The following TANGO6 variants were observed in gnomAD, a reference collection of about 807,000 sequenced individuals.
TANGO6 encodes transport and Golgi organization protein 6 homolog.
Under a neutral mutation model 114.2 loss-of-function variants are expected in TANGO6, and 90 were observed. The observed-to-expected ratio is 0.79, with a 90% CI of 0.66 to 0.94. The LOEUF (loss-of-function observed/expected upper bound fraction) is 0.94, where lower values mean the gene tolerates loss of function less well. Ranked by LOEUF, TANGO6 falls within the 40% of genes least tolerant of loss-of-function variation. The probability of loss-of-function intolerance (pLI) is 0.00; values close to 1 mark genes in which losing one functional copy is unlikely to be tolerated. For synonymous variants in TANGO6, 477 were observed against 509.8 expected (o/e 0.94, Z 0.87); for missense variants, 1,274 against 1,315.3 (o/e 0.97, Z 0.49).
At chr16:69,058,284 A>G (rs1353989589) in intron 17 of TANGO6, among the ~76,000 whole-genome samples, 1 of 152,208 alleles carries the variant, frequency 6.6e-6, no homozygotes, top group African/African-American at 2.4e-5. Flanking sequence ...ATCTGCGCCA[A>G]ATAAATTCCA....
chr16:69,067,447 G>A (rs1032304801), intron 17 of TANGO6, among the ~76,000 whole-genome samples: 1 of 149,382 alleles, frequency 6.7e-6, no homozygotes, highest in Non-Finnish European at 1.5e-5. Context: ...AGACCTGGGA[G>A]GTGAAGGTTG....
At chr16:69,083,385 G>A in intron 17 of TANGO6, 100 bp from the exon 18 acceptor site, 1 of 1,363,170 alleles carries the variant, frequency 7.3e-7, no homozygotes, top group Non-Finnish European at 9.8e-7. Flanking sequence ...GTCTGTGGAT[G>A]TCCTCACAGA....
At chr16:68,934,026 C>T (rs928895268) in intron 14 of TANGO6, 1 of 152,502 alleles carries the variant, frequency 6.6e-6, no homozygotes, top group African/African-American at 2.4e-5. Context: ...AAGGCCTGAG[C>T]CTTGGAATTC....
intron 17 of TANGO6, among the ~76,000 whole-genome samples, chr16:69,074,574 A>G (rs528981705): frequency 1.3e-5 from 2 of 152,232 alleles, no homozygotes; most frequent in Admixed American, 1.3e-4. Flanking sequence ...ACAAGTATCA[A>G]ATTATCATCT....
intron 3 of TANGO6, 60 bp from the exon 4 acceptor site, chr16:68,867,019 G>T: frequency 5.7e-5 from 22 of 383,194 alleles, no homozygotes; most frequent in Non-Finnish European, 9.4e-5. Flanking sequence ...GAGCCACTAC[G>T]CCCGGCCATC....
At chr16:69,069,972 C>T (rs574228775) in intron 17 of TANGO6, among the ~76,000 whole-genome samples, 138 of 149,344 alleles carry the variant, frequency 9.2e-4, no homozygotes, top group Non-Finnish European at 1.7e-3. Context: ...TTTGGGAGGC[C>T]GAGGCGGGCA....
intron 14 of TANGO6, among the ~76,000 whole-genome samples, chr16:68,958,034 C>T (rs1308914263): frequency 6.6e-6 from 1 of 151,578 alleles, no homozygotes; most frequent in African/African-American, 2.4e-5. Flanking sequence ...TAGCCGGGTG[C>T]AGTGGCAGTC....
intron 14 of TANGO6, chr16:68,937,799 G>T (rs962851628): frequency 4.6e-5 from 7 of 152,134 alleles, no homozygotes; most frequent in Non-Finnish European, 8.8e-5. Flanking sequence ...GTGGACAACT[G>T]GTTTGTTTCC....
At chr16:68,927,485 T>A in intron 12 of TANGO6, 83 bp from the exon 13 acceptor site, 1 of 1,479,138 alleles carries the variant, frequency 6.8e-7, no homozygotes, top group South Asian at 1.3e-5. Flanking sequence ...CCCTTTTTTC[T>A]CAGAATATGT....
chr16:68,923,813 TG>T (rs1963129326), intron 12 of TANGO6, among the ~76,000 whole-genome samples: 3 of 95,840 alleles, frequency 3.1e-5, no homozygotes, highest in African/African-American at 1.1e-4. Context: ...TGTTTTGTTT[TG>T]TTTTGTTTTG....
At chr16:68,984,609 C>T (rs1277139915) in intron 15 of TANGO6, among the ~76,000 whole-genome samples, 4 of 152,024 alleles carry the variant, frequency 2.6e-5, no homozygotes, top group Non-Finnish European at 5.9e-5. Context: ...AGAGCTTCCA[C>T]CTCCTGGCCT....
chr16:68,875,614 A>G (rs982787346), intron 5 of TANGO6, among the ~76,000 whole-genome samples: 3 of 152,132 alleles, frequency 2.0e-5, no homozygotes, highest in Non-Finnish European at 4.4e-5. Context: ...TAAAAAAAAT[A>G]CAAAATTAGC....
intron 14 of TANGO6, among the ~76,000 whole-genome samples, chr16:68,934,708 C>A (rs1963283124): frequency 6.6e-6 from 1 of 152,030 alleles, no homozygotes; most frequent in South Asian, 2.1e-4. Context: ...CTGTACTTTC[C>A]CCAAGAAACT....
rs140463866 is a variant in TANGO6, at chr16:68,983,695, G to A, written c.2842+9527G>A. On this transcript the variant is annotated intron_variant, in intron 15 of 17. Coordinates refer to ENST00000261778, the MANE Select transcript of TANGO6 (RefSeq NM_024562.2). ...GGCAGTGTGCTACAAGGCTACATCC[G>A]TTCCTCATCATCATCACAGCACAAC... 5.1e-3 allele frequency among the ~76,000 whole-genome samples: 778 copies of A among 152,130 alleles called. 9 individuals carry two copies. The highest frequency in any genetic ancestry group is 0.018 in the African/African-American group (747 of 41,492).
chr16:68,849,018 G>T (rs1196721324), intron 1 of TANGO6, among the ~76,000 whole-genome samples: 1 of 152,120 alleles, frequency 6.6e-6, no homozygotes, highest in Non-Finnish European at 1.5e-5. Context: ...CAACCGCAAT[G>T]CGGACACAGG....
intron 15 of TANGO6, among the ~76,000 whole-genome samples, chr16:68,978,507 C>T (rs1193260223): frequency 6.6e-6 from 1 of 152,212 alleles, no homozygotes; most frequent in Non-Finnish European, 1.5e-5. Context: ...TGTTTCACAT[C>T]ATCAACTTGT....
chr16:68,845,006 T>C (rs1046900821), intron 1 of TANGO6, among the ~76,000 whole-genome samples: 8 of 151,080 alleles, frequency 5.3e-5, no homozygotes, highest in Non-Finnish European at 7.4e-5. Context: ...CTCACTCTGT[T>C]GCCCAGGCTG....
At chr16:69,032,915 G>C (rs1466204990) in intron 16 of TANGO6, among the ~76,000 whole-genome samples, 1 of 147,540 alleles carries the variant, frequency 6.8e-6, no homozygotes, top group Non-Finnish European at 1.5e-5. Flanking sequence ...GGCAGGCGTG[G>C]TGGCTCATGC....
intron 17 of TANGO6, among the ~76,000 whole-genome samples, chr16:69,067,952 A>G (rs547094690): frequency 3.0e-4 from 45 of 150,102 alleles, no homozygotes; most frequent in South Asian, 6.3e-4. Context: ...AAAAAAAAAA[A>G]AAAAGAAAAT....
Sources: allele counts gnomAD v4.1 joint callset (sites outside exome capture counted in the v4.1 genomes callset), GRCh38; gene constraint gnomAD v4.1.1; transcripts MANE v1.5; gene names NCBI Gene and HGNC (gene_info 2026-07-23, HGNC 2026-07-21).